MICU1: variants seen among roughly 807,000 people sequenced by gnomAD.
MICU1 encodes the protein mitochondrial calcium uptake 1.
MICU1 carries 45 observed loss-of-function variants against 56.8 expected under a neutral mutation model. The observed-to-expected ratio is 0.79, with a 90% CI of 0.62 to 1.02. The LOEUF is 1.02. Among genes scored for constraint, MICU1 ranks in the 50% least tolerant of loss-of-function variants. MICU1 has a pLI of 0.00. For synonymous variants in MICU1, 186 were observed against 195.1 expected, an observed-to-expected ratio of 0.95 and a Z score of 0.39; for missense variants, 504 against 587.1, an observed-to-expected ratio of 0.86 and a Z score of 1.46.
intron 1 of MICU1, among the ~76,000 whole-genome samples, chr10:72,615,735 A>T (rs149580978): frequency 2.6e-5 from 4 of 152,184 alleles, no homozygotes; most frequent in African/African-American, 9.6e-5. Context: ...TCACGCCTGT[A>T]ATCCCAGCAC....
intron 1 of MICU1, among the ~76,000 whole-genome samples, chr10:72,604,271 CT>C (rs869141348): frequency 0.074 from 9,506 of 128,646 alleles, 575 homozygotes; most frequent in African/African-American, 0.26. Flanking sequence ...CTTTCCTGCC[CT>C]TTTTTTTTTT....
intron 6 of MICU1, among the ~76,000 whole-genome samples, chr10:72,480,461 A>T (rs1866257757): frequency 1.3e-5 from 2 of 152,218 alleles, no homozygotes; most frequent in South Asian, 4.1e-4. Context: ...ATGGGCATAC[A>T]AGTGGCTAGC....
At chr10:72,456,954 T>TGTGTGG (rs1411583008) in intron 8 of MICU1, among the ~76,000 whole-genome samples, 4 of 137,210 alleles carry the variant, frequency 2.9e-5, no homozygotes, top group African/African-American at 1.4e-4. Flanking sequence ...CAGGTGTGTG[T>TGTGTGG]GTGTGTGTGT....
intron 8 of MICU1, among the ~76,000 whole-genome samples, chr10:72,468,758 C>T (rs1360551959): frequency 6.6e-6 from 1 of 152,176 alleles, no homozygotes; most frequent in African/African-American, 2.4e-5. Context: ...TATTTCTCCA[C>T]AGTCATAAGA....
intron 11 of MICU1, among the ~76,000 whole-genome samples, chr10:72,375,415 T>TG (rs1477516617): frequency 2.0e-5 from 3 of 152,098 alleles, no homozygotes; most frequent in African/African-American, 7.2e-5. Context: ...GTGCCCTGGG[T>TG]GGTGGAGAGA....
intron 1 of MICU1, among the ~76,000 whole-genome samples, chr10:72,604,329 A>G (rs1383219212): frequency 1.6e-5 from 2 of 121,884 alleles, no homozygotes; most frequent in African/African-American, 6.3e-5. Flanking sequence ...GCTGCAGCGC[A>G]ATGTTGTGAT....
intron 8 of MICU1, among the ~76,000 whole-genome samples, chr10:72,469,403 T>C (rs1383631272): frequency 6.6e-6 from 1 of 152,224 alleles, no homozygotes; most frequent in Admixed American, 6.5e-5. Flanking sequence ...ATTAAGATAC[T>C]ACTAATCTTT....
intron 4 of MICU1, among the ~76,000 whole-genome samples, chr10:72,546,352 C>T (rs993859701): frequency 1.3e-5 from 2 of 152,206 alleles, no homozygotes; most frequent in Admixed American, 6.5e-5. Flanking sequence ...AACCTAACTG[C>T]GTATGTGTAA....
chr10:72,569,229 A>ATTTTTTTTTT (rs1246062078), intron 1 of MICU1, among the ~76,000 whole-genome samples: 22 of 37,728 alleles, frequency 5.8e-4, no homozygotes, highest in South Asian at 9.5e-4. Context: ...ATATATATAT[A>ATTTTTTTTTT]TATATATATT....
intron 8 of MICU1, among the ~76,000 whole-genome samples, chr10:72,448,619 T>C (rs1043833228): frequency 1.3e-5 from 2 of 152,058 alleles, no homozygotes; most frequent in African/African-American, 4.8e-5. Context: ...GCAATAAAGA[T>C]TGGGAGACTG....
chr10:72,508,281 A>T lies in MICU1; in HGVS notation c.538-12T>A. 1 of 1,352,614 alleles carries T rather than the reference A, an allele frequency of 7.4e-7. No homozygotes were observed. The highest frequency in any genetic ancestry group is 1.0e-6 in the Non-Finnish European group (1 of 982,812). The allele number at this position is 1,352,614 out of a possible 1,614,324, so 83.8% of individuals were successfully genotyped here. On this transcript the variant is annotated splice_polypyrimidine_tract_variant and intron_variant, in intron 5 of 11. Coordinates refer to ENST00000361114, the MANE Select transcript of MICU1 (RefSeq NM_001195518.2). The stretch of plus-strand genomic sequence containing the variant: ...TCCTGGGAAATTTTCTATAGAATGT[A>T]TGGGTCCCACCAAAAGACAAAAATA...
chr10:72,389,928 A>G (rs1162384672), intron 10 of MICU1, among the ~76,000 whole-genome samples: 2 of 152,226 alleles, frequency 1.3e-5, no homozygotes, highest in African/African-American at 4.8e-5. Flanking sequence ...GAGGTCATAG[A>G]TCTAATTTTA....
intron 1 of MICU1, among the ~76,000 whole-genome samples, chr10:72,613,036 GA>G (rs1485000932): frequency 1.3e-5 from 2 of 151,430 alleles, no homozygotes; most frequent in Admixed American, 1.3e-4. Context: ...CTCTTTTTCA[GA>G]AAAAAAATTA....
chr10:72,575,682 T>G (rs552366520), intron 1 of MICU1, among the ~76,000 whole-genome samples: 1 of 152,240 alleles, frequency 6.6e-6, no homozygotes, highest in East Asian at 1.9e-4. Flanking sequence ...GTTACTATTT[T>G]AATTGTTCTG....
intron 8 of MICU1, among the ~76,000 whole-genome samples, chr10:72,442,731 C>T (rs1864978471): frequency 6.6e-6 from 1 of 152,066 alleles, no homozygotes; most frequent in African/African-American, 2.4e-5. Flanking sequence ...AGGTCTAGAC[C>T]TAACAGAAGA....
At chr10:72,613,114 T>C (rs1294797201) in intron 1 of MICU1, among the ~76,000 whole-genome samples, 1 of 152,136 alleles carries the variant, frequency 6.6e-6, no homozygotes, top group East Asian at 1.9e-4. Flanking sequence ...ACTACTATTA[T>C]CAACACCATA....
chr10:72,611,987 C>T (rs923589622), intron 1 of MICU1, among the ~76,000 whole-genome samples: 1 of 137,752 alleles, frequency 7.3e-6, no homozygotes. Flanking sequence ...ACAGTGAGAC[C>T]TTATCTCTTA....
intron 10 of MICU1, among the ~76,000 whole-genome samples, chr10:72,396,634 G>A (rs942927508): frequency 2.6e-5 from 4 of 152,260 alleles, no homozygotes; most frequent in South Asian, 2.1e-4. Context: ...ACTTCATGAC[G>A]CATGCACAAG....
intron 7 of MICU1, among the ~76,000 whole-genome samples, chr10:72,476,175 C>T (rs1162337978): frequency 1.6e-5 from 2 of 126,228 alleles, no homozygotes; most frequent in Non-Finnish European, 3.1e-5. Flanking sequence ...TGCAGTGAGC[C>T]AAGATTGTGC....
Sources: allele counts gnomAD v4.1 joint callset (sites outside exome capture counted in the v4.1 genomes callset), GRCh38; gene constraint gnomAD v4.1.1; transcripts MANE v1.5; gene names NCBI Gene and HGNC (gene_info 2026-07-23, HGNC 2026-07-21).